GKAP1: variants seen among roughly 807,000 people sequenced by gnomAD.
The protein encoded by GKAP1 is G kinase anchoring protein 1.
Under a neutral mutation model 56.7 loss-of-function variants are expected in GKAP1, and 31 were observed. The ratio of observed to expected loss-of-function variants is 0.55; its 90% CI spans 0.41 to 0.74. The LOEUF (loss-of-function observed/expected upper bound fraction) is 0.74. Among genes scored for constraint, GKAP1 ranks in the 30% least tolerant of loss-of-function variants. The pLI is 0.00. For missense variants in GKAP1, 364 were observed against 402.3 expected (o/e 0.90, Z 0.82); for synonymous variants, 151 against 138.6 (o/e 1.09, Z -0.63).
chr9:83,784,606 C>A (rs796811199), intron 6 of GKAP1, 109 bp downstream of exon 6: 2 of 800,154 alleles, frequency 2.5e-6, no homozygotes, highest in Non-Finnish European at 3.8e-6. Context: ...CTACATGATA[C>A]ATGAATAACT....
intron 7 of GKAP1, 65 bp from the exon 8 acceptor site, chr9:83,769,035 G>T: frequency 1.6e-6 from 2 of 1,271,344 alleles, no homozygotes; most frequent in Non-Finnish European, 2.2e-6. Context: ...AATACACCTA[G>T]TCAACCACAA....
chr9:83,798,167 T>C (rs1944277407), intron 4 of GKAP1, among the ~76,000 whole-genome samples: 1 of 152,350 alleles, frequency 6.6e-6, no homozygotes, highest in East Asian at 1.9e-4. Context: ...ATTTTAAAAC[T>C]GGTAACCCAA....
intron 5 of GKAP1, 131 bp from the exon 6 acceptor site, chr9:83,784,969 G>A (rs943371782): frequency 5.1e-6 from 3 of 583,808 alleles, no homozygotes; most frequent in African/African-American, 1.9e-5. Context: ...ATTTAGGCTA[G>A]CCAAATTGTA....
intron 3 of GKAP1, 81 bp from the exon 4 acceptor site, chr9:83,799,409 AATG>A: frequency 9.6e-7 from 1 of 1,042,706 alleles, no homozygotes; most frequent in South Asian, 1.5e-5. Context: ...AAAAAAAACC[AATG>A]ATATTTTTAT....
chr9:83,751,837 G>A (rs566759570), intron 9 of GKAP1, among the ~76,000 whole-genome samples: 4 of 152,100 alleles, frequency 2.6e-5, no homozygotes, highest in Non-Finnish European at 5.9e-5. Context: ...GTGCTGGAAA[G>A]GATGTGGAGA....
At chr9:83,791,843 G>A (rs1944164792) in intron 4 of GKAP1, among the ~76,000 whole-genome samples, 1 of 151,808 alleles carries the variant, frequency 6.6e-6, no homozygotes, top group Non-Finnish European at 1.5e-5. Flanking sequence ...CAGGAATACA[G>A]AAAAAAAATC....
chr9:83,751,021 G>T (rs965517893), intron 9 of GKAP1, among the ~76,000 whole-genome samples: 5 of 152,044 alleles, frequency 3.3e-5, no homozygotes, highest in Non-Finnish European at 7.3e-5. Flanking sequence ...ATTTTTAGTA[G>T]AGACAGGGTT....
chr9:83,741,109 ACTC>A (rs1943199419), intron 12 of GKAP1, among the ~76,000 whole-genome samples: 1 of 152,030 alleles, frequency 6.6e-6, no homozygotes, highest in African/African-American at 2.4e-5. Context: ...TATACATAAA[ACTC>A]CTACCATGCT....
chr9:83,791,320 G>C (rs1944155371), intron 4 of GKAP1, among the ~76,000 whole-genome samples: 1 of 151,698 alleles, frequency 6.6e-6, no homozygotes, highest in African/African-American at 2.4e-5. Flanking sequence ...CGAGAATGGT[G>C]TGAACCCAGG....
chr9:83,802,683 T>C (rs1944350864), intron 3 of GKAP1, among the ~76,000 whole-genome samples: 1 of 151,384 alleles, frequency 6.6e-6, no homozygotes, highest in African/African-American at 2.4e-5. Flanking sequence ...CAAAATTAGC[T>C]GGGTGTGGTG....
intron 7 of GKAP1, among the ~76,000 whole-genome samples, chr9:83,774,707 T>TC (rs1943825666): frequency 7.7e-6 from 1 of 129,826 alleles, no homozygotes; most frequent in African/African-American, 2.9e-5. Context: ...ACCCCCTTTT[T>TC]TTTTTTTTTT....
intron 8 of GKAP1, among the ~76,000 whole-genome samples, chr9:83,757,176 A>C (rs1943491772): frequency 6.6e-6 from 1 of 152,170 alleles, no homozygotes; most frequent in African/African-American, 2.4e-5. Flanking sequence ...TGGGGCAGTG[A>C]GAGAGAGCTT....
At chr9:83,742,664 C>G in intron 10 of GKAP1, 64 bp from the exon 11 acceptor site, 1 of 991,548 alleles carries the variant, frequency 1.0e-6, no homozygotes, top group East Asian at 2.4e-5. Context: ...AACAATACTT[C>G]AGGGAACTAA....
At chr9:83,811,745 T>C (rs1944508348) in intron 2 of GKAP1, among the ~76,000 whole-genome samples, 1 of 147,934 alleles carries the variant, frequency 6.8e-6, no homozygotes, top group African/African-American at 2.7e-5. Flanking sequence ...AGTAAGACAG[T>C]GGCAGCCACT....
intron 2 of GKAP1, among the ~76,000 whole-genome samples, chr9:83,811,110 G>A (rs774620260): frequency 7.9e-5 from 12 of 152,196 alleles, no homozygotes; most frequent in Non-Finnish European, 1.5e-4. Context: ...ATTTATGGGT[G>A]TTCTTACTAT....
intron 2 of GKAP1, among the ~76,000 whole-genome samples, chr9:83,814,804 A>G (rs1944559710): frequency 6.6e-6 from 1 of 152,272 alleles, no homozygotes; most frequent in Non-Finnish European, 1.5e-5. Flanking sequence ...AAGTTGTTTC[A>G]TTACGGTAAG....
chr9:83,748,221 T>C (rs1331548720), intron 10 of GKAP1, 88 bp downstream of exon 10: 8 of 826,346 alleles, frequency 9.7e-6, no homozygotes, highest in Admixed American at 2.2e-5. Flanking sequence ...AACACTTTTG[T>C]TGAGTTGGTA....
At position 83,744,296 on chromosome 9, in the gene GKAP1, A is replaced by T. The variant is rs141289743; in HGVS notation, c.905-1696T>A. Among the ~76,000 whole-genome samples the T allele has an allele frequency of 9.5e-4, 145 of 152,356 alleles. No individual in the cohort carries two copies. The Middle Eastern group carries it at 0.01, about 11-fold the overall frequency. Reference sequence around the variant, plus strand: ...TGATGTATTAGGTAACAACTTGAACATAACACAAATTTTCAATACACTTAT... The same window carrying T: ...TGATGTATTAGGTAACAACTTGAACTTAACACAAATTTTCAATACACTTAT... On this transcript the variant is annotated intron_variant, in intron 10 of 12. Transcript: ENST00000376371.
chr9:83,797,981 G>A (rs1434301859), intron 4 of GKAP1, among the ~76,000 whole-genome samples: 1 of 152,084 alleles, frequency 6.6e-6, no homozygotes, highest in Admixed American at 6.5e-5. Context: ...CCTAGAAACA[G>A]TACAAGATGA....
Sources: gnomAD v4.1 joint callset for allele counts (sites outside exome capture counted in the v4.1 genomes callset) on GRCh38, gnomAD v4.1.1 for gene constraint, MANE v1.5 for transcripts, NCBI Gene and HGNC (gene_info 2026-07-23, HGNC 2026-07-21) for gene names.